The following ATL2 variants were observed in gnomAD, a reference collection of about 807,000 sequenced individuals.
The protein encoded by ATL2 is atlastin GTPase 2.
ATL2 carries 31 observed loss-of-function variants against 73.9 expected under a neutral mutation model. The ratio of observed to expected loss-of-function variants is 0.42; its 90% CI spans 0.32 to 0.57. The LOEUF (loss-of-function observed/expected upper bound fraction) is 0.57. ATL2 is among the 20% of genes least tolerant of loss of function. The probability of loss-of-function intolerance (pLI) is 0.14; values close to 1 mark genes in which losing one functional copy is unlikely to be tolerated. For missense variants in ATL2, 738 were observed against 702.6 expected, an observed-to-expected ratio of 1.05 and a Z score of -0.57; for synonymous variants, 291 against 237.5, an observed-to-expected ratio of 1.23 and a Z score of -2.07.
chr2:38,318,562 A>C lies in ATL2; in HGVS notation c.576T>G (p.Ala192=). ...GGACAGAGCTAGTCATAGTGCTCAG[A>C]GCAAACACCGTTGCACAGTCTTTGA... The part of the protein sequence containing the change: ...STIKDCATVF[A]LSTMTSSVQV... Residue 192 remains alanine, a synonymous_variant, in exon 4 of 13, where the codon GCT becomes GCG. Coordinates refer to ENST00000378954, the MANE Select transcript of ATL2 (RefSeq NM_001135673.4). The C allele has an allele frequency of 6.2e-7, 1 of 1,611,598 alleles. No homozygotes were observed. Among genetic ancestry groups the C allele is most frequent in the Non-Finnish European group, 8.5e-7 (1 of 1,179,362 alleles).
intron 1 of ATL2, among the ~76,000 whole-genome samples, chr2:38,355,483 A>G (rs1373551835): frequency 6.6e-6 from 1 of 152,092 alleles, no homozygotes; most frequent in Non-Finnish European, 1.5e-5. Flanking sequence ...TTTCAAAGTA[A>G]AAGGGGAAAA....
At chr2:38,335,458 T>C (rs1669297341) in intron 2 of ATL2, among the ~76,000 whole-genome samples, 1 of 152,184 alleles carries the variant, frequency 6.6e-6, no homozygotes, top group Non-Finnish European at 1.5e-5. Flanking sequence ...TACACCAGCC[T>C]TAATGCTTAG....
At chr2:38,361,341 A>G (rs1377876756) in intron 1 of ATL2, among the ~76,000 whole-genome samples, 1 of 147,590 alleles carries the variant, frequency 6.8e-6, no homozygotes, top group Non-Finnish European at 1.5e-5. Flanking sequence ...GTGACAGAGC[A>G]AGACTCCGTC....
At chr2:38,327,538 T>TACAAAAAAAAAAAAAAAAA (rs1668734402) in intron 2 of ATL2, among the ~76,000 whole-genome samples, 3 of 39,456 alleles carry the variant, frequency 7.6e-5, no homozygotes, top group Non-Finnish European at 1.5e-4. Context: ...AAAAAAAAAG[T>TACAAAAAAAAAAAAAAAAA]ACAAAAAAAA....
At chr2:38,330,857 A>G (rs774150522) in intron 2 of ATL2, among the ~76,000 whole-genome samples, 5 of 152,214 alleles carry the variant, frequency 3.3e-5, no homozygotes, top group Non-Finnish European at 7.3e-5. Context: ...AACTTCTTGT[A>G]GAAACTGAGA....
At chr2:38,374,268 G>C (rs1490511429) in intron 1 of ATL2, among the ~76,000 whole-genome samples, 1 of 152,156 alleles carries the variant, frequency 6.6e-6, no homozygotes, top group Non-Finnish European at 1.5e-5. Context: ...CTAACGGATA[G>C]GAAGAAAACT....
chr2:38,315,257 A>T (rs373114704), intron 5 of ATL2, 27 bp downstream of exon 5: 6 of 1,469,066 alleles, frequency 4.1e-6, no homozygotes, highest in Non-Finnish European at 5.4e-6. Flanking sequence ...ATCTCAAAAA[A>T]TAAAAATTAA....
chr2:38,343,897 TCTC>T (rs1669872257), intron 1 of ATL2, among the ~76,000 whole-genome samples: 1 of 152,288 alleles, frequency 6.6e-6, no homozygotes, highest in Non-Finnish European at 1.5e-5. Context: ...CAAGCTCTCT[TCTC>T]ATCTGCCACC....
Position 38,300,310 on chromosome 2 carries a change from G to T in ATL2, c.1090C>A (p.Gln364Lys). The T allele has an allele frequency of 6.2e-7, 1 of 1,608,974 alleles. No individual in the cohort carries two copies. Reference protein sequence around the residue: ...EYFKAYIKIYQGEELPHPKSM... With the variant: ...EYFKAYIKIYKGEELPHPKSM... ...TTTGGATGTGGAAGTTCTTCTCCTT[G>T]ATAGATTTTGATGTAAGCCTAAAAA... The change falls in exon 10 of 13, where the codon CAA becomes AAA. Residue 364 changes from glutamine to lysine, a missense_variant. By Grantham distance (53) the Gln-to-Lys change is moderately conservative (BLOSUM62 1). Coordinates refer to ENST00000378954, the MANE Select transcript of ATL2 (RefSeq NM_001135673.4).
chr2:38,297,631 T>C (rs1666965869), intron 12 of ATL2, among the ~76,000 whole-genome samples: 1 of 152,168 alleles, frequency 6.6e-6, no homozygotes, highest in Admixed American at 6.5e-5. Context: ...AGGTCAAAGT[T>C]TCCTTGGTAA....
chr2:38,314,517 G>T (rs1667925105), intron 6 of ATL2, 91 bp downstream of exon 6: 2 of 843,866 alleles, frequency 2.4e-6, no homozygotes, highest in African/African-American at 1.7e-5. Context: ...TGAGTCTATT[G>T]TAATATCCTG....
At chr2:38,319,041 G>A (rs1234505790) in intron 2 of ATL2, 22 bp from the exon 3 acceptor site, 3 of 1,603,208 alleles carry the variant, frequency 1.9e-6, no homozygotes, top group East Asian at 2.2e-5. Context: ...AAGGATAAAT[G>A]TAAAATACAA....
At chr2:38,365,456 G>A (rs1671265512) in intron 1 of ATL2, among the ~76,000 whole-genome samples, 2 of 152,044 alleles carry the variant, frequency 1.3e-5, no homozygotes, top group South Asian at 4.2e-4. Flanking sequence ...GGAGTTCAAG[G>A]CCAGCCTTGG....
In ATL2 at chr2:38,310,312, T is replaced by G; in HGVS notation, c.940A>C (p.Lys314Gln). ...TAGCAAGAATGGGAATTCCCACCTT[T>G]CAATCTCCCATCAAAACTAGGATTA... ...ATNPSFDGRLKDIDEDFKREL... is the reference protein window; with the variant it reads ...ATNPSFDGRLQDIDEDFKREL... Residue 314 changes from lysine (K) to glutamine (Q), a missense_variant, in exon 8 of 13, where the codon AAA (lysine) becomes CAA (glutamine). Lys to Gln is a moderately conservative substitution (Grantham distance 53). Coordinates refer to ENST00000378954, the MANE Select transcript of ATL2 (RefSeq NM_001135673.4). The G allele has an allele frequency of 1.9e-6, 3 of 1,610,810 alleles. No individual in the cohort carries two copies. The highest frequency in any genetic ancestry group is 1.7e-6 in the Non-Finnish European group (2 of 1,179,268).
intron 2 of ATL2, among the ~76,000 whole-genome samples, chr2:38,342,503 TTTGACATATGAA>T (rs1472711226): frequency 2.6e-5 from 4 of 152,168 alleles, no homozygotes; most frequent in African/African-American, 9.7e-5. Flanking sequence ...CTATAGTTTA[TTTGACATATGAA>T]GGGCAAGAGA....
At chr2:38,310,555 T>C (rs1667701854) in intron 7 of ATL2, 108 bp from the exon 8 acceptor site, 1 of 912,742 alleles carries the variant, frequency 1.1e-6, no homozygotes, top group African/African-American at 1.7e-5. Context: ...ACTCAGATGG[T>C]ACTCCTAAGG....
intron 1 of ATL2, among the ~76,000 whole-genome samples, chr2:38,369,178 A>G (rs192023175): frequency 6.6e-6 from 1 of 152,276 alleles, no homozygotes; most frequent in East Asian, 1.9e-4. Context: ...GGCCAGGTGC[A>G]GTGCCTCACA....
chr2:38,339,748 T>C (rs1208522675), intron 2 of ATL2, among the ~76,000 whole-genome samples: 2 of 152,190 alleles, frequency 1.3e-5, no homozygotes, highest in South Asian at 2.1e-4. Context: ...TAGAGTATGA[T>C]GGCACAATCT....
Position 38,304,147 on chromosome 2 carries a change from T to C in ATL2, c.1072-3819A>G, listed in dbSNP as rs75565818. Reference sequence around the variant, plus strand: ...ACAAGAAGCACGAATGGATTCTAAATGCATCAACAGAAAAGAAACAAACAA... The same window carrying C: ...ACAAGAAGCACGAATGGATTCTAAACGCATCAACAGAAAAGAAACAAACAA... On this transcript the variant is annotated intron_variant, in intron 9 of 12. Coordinates refer to ENST00000378954, the MANE Select transcript of ATL2 (RefSeq NM_001135673.4). Among the ~76,000 whole-genome samples the C allele has an allele frequency of 2.8e-3, 430 of 152,138 alleles. 1 individual carries two copies. Among genetic ancestry groups the C allele is most frequent in the Non-Finnish European group, 4.9e-3 (332 of 67,982 alleles).
Sources: allele counts gnomAD v4.1 joint callset (sites outside exome capture counted in the v4.1 genomes callset), GRCh38; gene constraint gnomAD v4.1.1; transcripts MANE v1.5; gene names NCBI Gene and HGNC (gene_info 2026-07-23, HGNC 2026-07-21).